The following CCDC63 variants were observed in gnomAD, a reference collection of about 807,000 sequenced individuals.
CCDC63 encodes the protein coiled-coil domain containing 63.
Under a neutral mutation model 63.6 loss-of-function variants are expected in CCDC63, and 54 were observed. That is an observed-to-expected ratio of 0.85 (90% CI 0.68 to 1.07). The LOEUF (loss-of-function observed/expected upper bound fraction) is 1.07. Among genes scored for constraint, CCDC63 ranks in the 50% least tolerant of loss-of-function variants. The pLI is 0.00. For missense variants in CCDC63, 637 were observed against 689.6 expected, an observed-to-expected ratio of 0.92 and a Z score of 0.86; for synonymous variants, 253 against 266.1, an observed-to-expected ratio of 0.95 and a Z score of 0.48.
chr12:110,899,410 C>A (rs892811826), intron 10 of CCDC63, among the ~76,000 whole-genome samples: 1 of 152,196 alleles, frequency 6.6e-6, no homozygotes, highest in Admixed American at 6.6e-5. Context: ...TCTCAACCTA[C>A]TGGGCTCAGG....
intron 1 of CCDC63, among the ~76,000 whole-genome samples, chr12:110,852,273 T>C (rs577071064): frequency 9.2e-5 from 14 of 152,210 alleles, no homozygotes; most frequent in African/African-American, 3.4e-4. Context: ...TTTTTTTTTG[T>C]GAGATGGAGT....
chr12:110,880,846 T>TGTTATGGTGAC (rs1444700376), intron 6 of CCDC63, among the ~76,000 whole-genome samples: 1 of 103,648 alleles, frequency 9.6e-6, no homozygotes, highest in African/African-American at 3.7e-5. Flanking sequence ...GTGATGGTGA[T>TGTTATGGTGAC]AGTGGTAATG....
chr12:110,906,702 C>A (rs2136760897), intron 11 of CCDC63, among the ~76,000 whole-genome samples: 2 of 152,104 alleles, frequency 1.3e-5, no homozygotes, highest in South Asian at 4.2e-4. Flanking sequence ...TGTGTTTCAG[C>A]TGAGGAGACT....
chr12:110,862,263 C>T (rs181326295), intron 4 of CCDC63, among the ~76,000 whole-genome samples: 1 of 152,326 alleles, frequency 6.6e-6, no homozygotes, highest in Admixed American at 6.5e-5. Flanking sequence ...CAGTGCAAAC[C>T]ATCTTTGCCC....
chr12:110,903,069 G>T (rs1395910135), intron 10 of CCDC63, among the ~76,000 whole-genome samples: 1 of 151,994 alleles, frequency 6.6e-6, no homozygotes, highest in Non-Finnish European at 1.5e-5. Flanking sequence ...TAGAGATGGG[G>T]TTTCACCATG....
intron 4 of CCDC63, among the ~76,000 whole-genome samples, chr12:110,872,407 C>T (rs2071079096): frequency 6.6e-6 from 1 of 151,372 alleles, no homozygotes; most frequent in Non-Finnish European, 1.5e-5. Flanking sequence ...ACACATACTG[C>T]AGACAGATGC....
intron 4 of CCDC63, among the ~76,000 whole-genome samples, chr12:110,869,126 C>A (rs978840991): frequency 6.6e-6 from 1 of 152,190 alleles, no homozygotes; most frequent in Non-Finnish European, 1.5e-5. Context: ...CAACTGCTTG[C>A]AGAATTCACC....
At chr12:110,878,089 G>C (rs976981104) in intron 5 of CCDC63, among the ~76,000 whole-genome samples, 3 of 152,048 alleles carry the variant, frequency 2.0e-5, no homozygotes, top group Non-Finnish European at 4.4e-5. Context: ...TTCACTTAGC[G>C]TAATGTCCTC....
rs182213417 is a variant in CCDC63 at position 110,869,153 on chromosome 12, G to A, written c.370-4689G>A. ...GAATTCACCAGCCCAGGCTCTGCAC[G>A]GGGCCCCTGATTCCCAGCTGGAGGC... On this transcript the variant is annotated intron_variant, in intron 4 of 11. Transcript: ENST00000308208. Among the ~76,000 whole-genome samples, 200 of 152,270 alleles carry A rather than the reference G, an allele frequency of 1.3e-3. 1 individual carries two copies. The highest frequency in any genetic ancestry group is 4.6e-3 in the African/African-American group (192 of 41,542).
chr12:110,901,510 G>C (rs1270241585), intron 10 of CCDC63, among the ~76,000 whole-genome samples: 1 of 151,968 alleles, frequency 6.6e-6, no homozygotes, highest in Non-Finnish European at 1.5e-5. Flanking sequence ...TTACAGGCAG[G>C]AGCCATTGTG....
chr12:110,902,331 A>G lies in CCDC63; in HGVS notation c.1343-2257A>G, dbSNP rs372814299. Among the ~76,000 whole-genome samples, 410 of 152,140 alleles carry G rather than the reference A, an allele frequency of 2.7e-3. 1 individual carries two copies. The highest frequency in any genetic ancestry group is 9.6e-3 in the African/African-American group (399 of 41,488). ...TTCTTTCTAGCCTGGCCTTGCTTAT[A>G]TTTCTGATCTCCTCTTGTCCTGCTC... On this transcript the variant is annotated intron_variant, in intron 10 of 11. Coordinates refer to ENST00000308208, the MANE Select transcript of CCDC63 (RefSeq NM_152591.3).
intron 4 of CCDC63, among the ~76,000 whole-genome samples, chr12:110,867,540 C>T (rs1593656324): frequency 1.7e-5 from 2 of 117,646 alleles, no homozygotes; most frequent in Admixed American, 7.9e-5. Context: ...ACCCCCCCAC[C>T]TCCCTCCCGG....
intron 8 of CCDC63, among the ~76,000 whole-genome samples, chr12:110,887,173 G>T (rs186431030): frequency 6.6e-6 from 1 of 151,688 alleles, no homozygotes; most frequent in East Asian, 1.9e-4. Context: ...TGTCACCCAG[G>T]CTGGACTGTA....
At chr12:110,853,356 C>G (rs1391536665) in intron 2 of CCDC63, 49 bp from the exon 3 acceptor site, 5 of 1,568,504 alleles carry the variant, frequency 3.2e-6, no homozygotes, top group Non-Finnish European at 4.3e-6. Flanking sequence ...GTGGGCTTCT[C>G]TAGCCACCTG....
chr12:110,898,613 G>A (rs2071443984), intron 9 of CCDC63, among the ~76,000 whole-genome samples: 1 of 131,262 alleles, frequency 7.6e-6, no homozygotes, highest in Non-Finnish European at 1.5e-5. Flanking sequence ...GTGAGACTCT[G>A]TCTCAAAAAA....
chr12:110,864,169 C>G (rs1593650534), intron 4 of CCDC63, among the ~76,000 whole-genome samples: 1 of 152,230 alleles, frequency 6.6e-6, no homozygotes, highest in East Asian at 1.9e-4. Context: ...AATTACAGGC[C>G]AAGGGCCAAA....
intron 8 of CCDC63, among the ~76,000 whole-genome samples, chr12:110,890,532 A>T (rs1393053767): frequency 2.6e-5 from 4 of 152,152 alleles, no homozygotes; most frequent in African/African-American, 4.8e-5. Flanking sequence ...ATAAAGAAAA[A>T]GTAAAAGTCA....
At chr12:110,844,937 C>G (rs1385960480), upstream of CCDC63, among the ~76,000 whole-genome samples, 1 of 152,212 alleles carries the variant, frequency 6.6e-6, no homozygotes, top group African/African-American at 2.4e-5. Context: ...TGCCTGGTCC[C>G]TCTGCGGCTT....
chr12:110,886,989 G>A (rs2071290615), intron 8 of CCDC63, among the ~76,000 whole-genome samples: 1 of 152,186 alleles, frequency 6.6e-6, no homozygotes, highest in Non-Finnish European at 1.5e-5. Context: ...AAGTGCAGGT[G>A]CTCTGGTTCT....
Sources: gnomAD v4.1 joint callset for allele counts (sites outside exome capture counted in the v4.1 genomes callset) on GRCh38, gnomAD v4.1.1 for gene constraint, MANE v1.5 for transcripts, NCBI Gene and HGNC (gene_info 2026-07-23, HGNC 2026-07-21) for gene names.